The following APPL2 variants were observed in gnomAD, a reference collection of about 807,000 sequenced individuals.
APPL2 encodes the protein adaptor protein, phosphotyrosine interacting with PH domain and leucine zipper 2.
APPL2 carries 84 observed loss-of-function variants against 92.7 expected under a neutral mutation model. That is an observed-to-expected ratio of 0.91 (90% CI 0.76 to 1.09). APPL2 has a LOEUF of 1.09. APPL2 is among the 50% of genes least tolerant of loss of function. The pLI is 0.00. For synonymous variants in APPL2, 291 were observed against 291.0 expected (o/e 1.00, Z 0.00); for missense variants, 736 against 824.5 (o/e 0.89, Z 1.31).
chr12:105,183,255 C>T (rs886266717), intron 17 of APPL2, among the ~76,000 whole-genome samples: 2 of 152,044 alleles, frequency 1.3e-5, no homozygotes, highest in Admixed American at 1.3e-4. Context: ...AGCCTGTTTA[C>T]ATTTAAGGTT....
At chr12:105,197,076 C>T (rs2135965663) in intron 11 of APPL2, among the ~76,000 whole-genome samples, 1 of 152,232 alleles carries the variant, frequency 6.6e-6, no homozygotes, top group Non-Finnish European at 1.5e-5. Flanking sequence ...CGGGCAGGGC[C>T]ACTCCTCTCC....
At chr12:105,211,699 C>T (rs1486230833) in intron 4 of APPL2, among the ~76,000 whole-genome samples, 2 of 152,160 alleles carry the variant, frequency 1.3e-5, no homozygotes, top group African/African-American at 2.4e-5. Flanking sequence ...CTCAGGACCT[C>T]GCCAGGCTGC....
intron 17 of APPL2, among the ~76,000 whole-genome samples, chr12:105,180,762 TTGTG>T (rs1259562104): frequency 1.3e-5 from 2 of 152,110 alleles, no homozygotes; most frequent in Non-Finnish European, 1.5e-5. Flanking sequence ...ATTTGGCTGT[TTGTG>T]TATTATTGGT....
chr12:105,173,891 TTAAG>T lies in APPL2; in HGVS notation c.*419_*422del. 1 of 152,824 alleles carries T rather than the reference TTAAG, an allele frequency of 6.5e-6. No homozygotes were observed. Among genetic ancestry groups the T allele is most frequent in the African/African-American group, 2.4e-5 (1 of 41,576 alleles). 9.5% of individuals were successfully genotyped at this position (152,824 alleles called of 1,614,324 possible). On this transcript the variant is annotated 3_prime_UTR_variant, in exon 21 of 21. Coordinates refer to ENST00000258530, the MANE Select transcript of APPL2 (RefSeq NM_018171.5). ...CAGAACGACAGGCACTTAAAGCTCA[TTAAG>T]TAAAATACAAAAATAGATTATATTA...
At chr12:105,197,072 G>C (rs1887713190) in intron 11 of APPL2, among the ~76,000 whole-genome samples, 1 of 152,240 alleles carries the variant, frequency 6.6e-6, no homozygotes, top group East Asian at 1.9e-4. Context: ...ATGACGGGCA[G>C]GGCCACTCCT....
intron 19 of APPL2, chr12:105,176,451 G>A (rs1197778982): frequency 6.7e-6 from 3 of 446,764 alleles, no homozygotes; most frequent in Non-Finnish European, 1.2e-5. Flanking sequence ...TAAATTCTAA[G>A]TAGCAGATAG....
intron 5 of APPL2, 99 bp downstream of exon 5, chr12:105,211,131 C>T: frequency 1.2e-6 from 1 of 860,320 alleles, no homozygotes; most frequent in Non-Finnish European, 1.9e-6. Flanking sequence ...AAAGGCATTT[C>T]TCAGCGATCC....
intron 14 of APPL2, among the ~76,000 whole-genome samples, chr12:105,193,110 G>C (rs1037828546): frequency 1.4e-4 from 21 of 149,286 alleles, no homozygotes; most frequent in African/African-American, 2.8e-4. Context: ...TGGCTGGCTA[G>C]AGTCATTTTT....
intron 5 of APPL2, among the ~76,000 whole-genome samples, chr12:105,208,605 C>G (rs1386754145): frequency 6.6e-6 from 1 of 152,222 alleles, no homozygotes; most frequent in Non-Finnish European, 1.5e-5. Context: ...CTAAAAGCTT[C>G]CTGTGTTGCC....
At position 105,236,062 on chromosome 12, in the gene APPL2, A is replaced by C. The variant is rs4118386; in HGVS notation, c.-50T>G. On this transcript the variant is annotated 5_prime_UTR_variant, in exon 1 of 21. Transcript: ENST00000258530. Reference sequence around the variant, plus strand: ...CTGGGTTGGAAGGACAGAGGGCAGGAGACGCGGCGGCCGAGAGCACTCCCC... The same window carrying C: ...CTGGGTTGGAAGGACAGAGGGCAGGCGACGCGGCGGCCGAGAGCACTCCCC... 1 of 1,210,054 alleles carries C rather than the reference A, an allele frequency of 8.3e-7. No individual in the cohort carries two copies. The highest frequency in any genetic ancestry group is 4.1e-5 in the South Asian group (1 of 24,126). The allele number at this position is 1,210,054 out of a possible 1,614,324, so 75.0% of individuals were successfully genotyped here. A position where few individuals can be genotyped will look rare whatever the true frequency, so the allele number is the denominator to read the frequency against.
chr12:105,229,140 G>C lies in APPL2; in HGVS notation c.138C>G (p.Arg46=). ...YTNQLLQAMQ[R]VYGAQNEMCL... ...GGCAGCATACCTGGGCTCCATAGAC[G>C]CGCTGCATTGCCTGGAGCAGCTGGT... The change falls in exon 2 of 21, where the codon CGC becomes CGG. Residue 46 remains arginine, a synonymous_variant. Transcript: ENST00000258530. 1.9e-6 allele frequency: 3 copies of C among 1,612,204 alleles called. No homozygotes were observed. Among genetic ancestry groups the C allele is most frequent in the Middle Eastern group, 1.9e-4 (1 of 5,274 alleles).
At chr12:105,233,201 C>G in intron 1 of APPL2, 1 of 985,454 alleles carries the variant, frequency 1.0e-6, no homozygotes. Flanking sequence ...GCCTCATTAT[C>G]TGTCTCTGGA....
intron 17 of APPL2, among the ~76,000 whole-genome samples, chr12:105,186,448 G>A (rs73179994): frequency 0.18 from 27,029 of 151,728 alleles, 2,600 homozygotes; most frequent in East Asian, 0.25. Context: ...GAACATTTGC[G>A]TATAAGTTTT....
Position 105,189,976 on chromosome 12 carries a change from T to C in APPL2, c.1406+15A>G, listed in dbSNP as rs1432823604. The C allele has an allele frequency of 2.5e-6, 4 of 1,612,782 alleles. No individual in the cohort carries two copies. Among genetic ancestry groups the C allele is most frequent in the Middle Eastern group, 1.7e-4 (1 of 6,052 alleles). On this transcript the variant is annotated intron_variant, in intron 15 of 20. Coordinates refer to ENST00000258530, the MANE Select transcript of APPL2 (RefSeq NM_018171.5). ...ACTTTCAGTTCTCCCAGAGATAACC[T>C]CTCTCAGCCCATACCTGCTCCCTCT...
chr12:105,224,125 G>A (rs1000979115), intron 2 of APPL2, among the ~76,000 whole-genome samples: 3 of 152,160 alleles, frequency 2.0e-5, no homozygotes, highest in African/African-American at 4.8e-5. Context: ...ATGAGGGAAA[G>A]CTGCAGACCA....
In APPL2 at chr12:105,221,688, G is replaced by A. The variant is rs146263587; in HGVS notation, c.154-3963C>T. 2.6e-3 allele frequency among the ~76,000 whole-genome samples: 401 copies of A among 152,250 alleles called. 1 individual carries two copies. The highest frequency in any genetic ancestry group is 6.6e-3 in the East Asian group (34 of 5,166). ...AGCATTGTTTTGGGCACTCTGGGCC[G>A]CTCTGGCTGCCATCTACACTATGCA... is the stretch of plus-strand genomic sequence containing the variant. On this transcript the variant is annotated intron_variant, in intron 2 of 20. Coordinates refer to ENST00000258530, the MANE Select transcript of APPL2 (RefSeq NM_018171.5).
Position 105,229,196 on chromosome 12 carries a change from C to G in APPL2, c.82G>C (p.Glu28Gln). The change falls in exon 2 of 21, where the codon GAA (glutamate) becomes CAA (glutamine). Residue 28 changes from glutamate to glutamine, a missense_variant. Glu to Gln is a conservative substitution (Grantham distance 29). Coordinates refer to ENST00000258530, the MANE Select transcript of APPL2 (RefSeq NM_018171.5). ...QTRSLLSVFE[E>Q]DAGTLTDYTN... ...TAGTCTGTGAGGGTGCCAGCATCTT[C>G]TTCAAACACGCTCAGTAAAGAGCGA... 6.2e-7 allele frequency: 1 copy of G among 1,613,874 alleles called. No homozygotes were observed. Among genetic ancestry groups the G allele is most frequent in the Non-Finnish European group, 8.5e-7 (1 of 1,179,910 alleles).
At chr12:105,229,499 C>T (rs535461319) in intron 1 of APPL2, 1 of 1,005,278 alleles carries the variant, frequency 9.9e-7, no homozygotes, top group Non-Finnish European at 1.2e-6. Flanking sequence ...GACTGAAGGG[C>T]TATTATCTGT....
rs1890765183 is a variant in APPL2 at position 105,229,519 on chromosome 12, A to G, written c.55-296T>C. On this transcript the variant is annotated intron_variant, in intron 1 of 20. Coordinates refer to ENST00000258530, the MANE Select transcript of APPL2 (RefSeq NM_018171.5). ...AAGGGCTATTATCTGTTCTGACTTTAGCCCCTACCTAAGCACCAGTAAAGT... is the reference window on the plus strand; with the variant it reads ...AAGGGCTATTATCTGTTCTGACTTTGGCCCCTACCTAAGCACCAGTAAAGT... 5.8e-6 allele frequency: 6 copies of G among 1,027,270 alleles called. No homozygotes were observed. The South Asian group carries it at 2.0e-4, about 35-fold the overall frequency. 63.6% of individuals were successfully genotyped at this position (1,027,270 alleles called of 1,614,324 possible). A position where few individuals can be genotyped will look rare whatever the true frequency, so the allele number is the denominator to read the frequency against.
Sources: gnomAD v4.1 joint callset for allele counts (sites outside exome capture counted in the v4.1 genomes callset) on GRCh38, gnomAD v4.1.1 for gene constraint, MANE v1.5 for transcripts, NCBI Gene and HGNC (gene_info 2026-07-23, HGNC 2026-07-21) for gene names.